Variants in LMLN observed in about 807,000 individuals in gnomAD.
LMLN encodes the protein leishmanolysin-like peptidase.
In LMLN, 70 loss-of-function variants were observed where a neutral mutation model predicts 92.3. The observed-to-expected ratio is 0.76, with a 90% CI of 0.63 to 0.92. The LOEUF is 0.92. LMLN is among the 40% of genes least tolerant of loss of function. The pLI is 0.00. For missense variants in LMLN, 691 were observed against 814.6 expected (o/e 0.85, Z 1.85); for synonymous variants, 308 against 296.2 (o/e 1.04, Z -0.41).
At chr3:197,985,326 A>G (rs1407915889) in intron 7 of LMLN, among the ~76,000 whole-genome samples, 1 of 151,498 alleles carries the variant, frequency 6.6e-6, no homozygotes, top group African/African-American at 2.4e-5. Context: ...GGATTCTTCT[A>G]TATATATAAG....
intron 9 of LMLN, among the ~76,000 whole-genome samples, chr3:197,993,855 A>G (rs571438593): frequency 3.3e-5 from 5 of 152,340 alleles, no homozygotes; most frequent in Non-Finnish European, 7.4e-5. Context: ...CAGTATTTCA[A>G]ACTGTACTGC....
chr3:198,022,021 T>G (rs1316570500), intron 13 of LMLN, among the ~76,000 whole-genome samples: 1 of 152,240 alleles, frequency 6.6e-6, no homozygotes, highest in Non-Finnish European at 1.5e-5. Context: ...ATTTCCCAGA[T>G]AGGCGGATAG....
exon 1 of LMLN, chr3:197,960,423 G>A (rs1278385468): frequency 6.2e-7 from 1 of 1,613,766 alleles, no homozygotes; most frequent in African/African-American, 1.3e-5. Context: ...CCGGCACCAC[G>A]TCCCCTCTGA....
At chr3:198,021,865 A>G (rs1340627498) in intron 13 of LMLN, among the ~76,000 whole-genome samples, 2 of 152,220 alleles carry the variant, frequency 1.3e-5, no homozygotes, top group African/African-American at 4.8e-5. Context: ...GACCCATCGA[A>G]GGGATTATTC....
chr3:198,038,884 A>G (rs555036507), exon 16 of LMLN: 2 of 383,694 alleles, frequency 5.2e-6, no homozygotes, highest in Non-Finnish European at 9.3e-6. Context: ...AACCACCTTC[A>G]TCAGCAACCC....
chr3:197,976,917 AG>A (rs755560636), intron 5 of LMLN, among the ~76,000 whole-genome samples: 11 of 152,318 alleles, frequency 7.2e-5, no homozygotes, highest in Non-Finnish European at 1.2e-4. Flanking sequence ...TCCTCCCCAC[AG>A]GCCTCCTTGC....
intron 2 of LMLN, among the ~76,000 whole-genome samples, chr3:197,974,820 C>T (rs1284322823): frequency 6.6e-6 from 1 of 152,188 alleles, no homozygotes; most frequent in Non-Finnish European, 1.5e-5. Context: ...GCCCAGATTC[C>T]AGGAGAGGGT....
At chr3:197,966,774 T>C (rs1721072292) in intron 1 of LMLN, among the ~76,000 whole-genome samples, 2 of 152,180 alleles carry the variant, frequency 1.3e-5, no homozygotes, top group African/African-American at 2.4e-5. Context: ...TCATATTTTG[T>C]TGATGATTTT....
intron 1 of LMLN, among the ~76,000 whole-genome samples, chr3:197,962,549 C>G (rs925221052): frequency 6.6e-6 from 1 of 152,142 alleles, no homozygotes; most frequent in African/African-American, 2.4e-5. Context: ...AAAATACTAA[C>G]CCTTTCTCCA....
chr3:198,012,909 C>A (rs1431261845), intron 11 of LMLN, among the ~76,000 whole-genome samples: 2 of 126,244 alleles, frequency 1.6e-5, no homozygotes, highest in Non-Finnish European at 3.2e-5. Flanking sequence ...CTTCTCTGTA[C>A]CCTTCAGAGT....
intron 8 of LMLN, among the ~76,000 whole-genome samples, chr3:197,989,572 C>T (rs1231136067): frequency 6.6e-6 from 1 of 152,118 alleles, no homozygotes; most frequent in Non-Finnish European, 1.5e-5. Flanking sequence ...TCATTTTATC[C>T]TGTACACTTG....
exon 6 of LMLN, chr3:197,980,459 T>A: frequency 1.9e-6 from 3 of 1,614,096 alleles, no homozygotes; most frequent in Non-Finnish European, 2.5e-6. Context: ...CATGAAAACA[T>A]CATCTCTTAT....
At chr3:198,039,620 G>A (rs1413633950) in exon 16 of LMLN, 1 of 150,186 alleles carries the variant, frequency 6.7e-6, no homozygotes, top group East Asian at 1.9e-4. Flanking sequence ...AAAATTAATG[G>A]CTGGTATATA....
At chr3:198,023,698 C>G (rs1292507682) in intron 13 of LMLN, among the ~76,000 whole-genome samples, 1 of 152,226 alleles carries the variant, frequency 6.6e-6, no homozygotes, top group African/African-American at 2.4e-5. Context: ...TGTAAAGAGT[C>G]TAAAGAGAGC....
At chr3:197,980,707 C>T in intron 6 of LMLN, 1 of 445,702 alleles carries the variant, frequency 2.2e-6, no homozygotes, top group Non-Finnish European at 4.0e-6. Flanking sequence ...AGTTTTTAGT[C>T]AAAGTGAAAG....
chr3:197,978,948 A>G (rs1392365236), intron 5 of LMLN, among the ~76,000 whole-genome samples: 1 of 152,160 alleles, frequency 6.6e-6, no homozygotes, highest in East Asian at 1.9e-4. Flanking sequence ...CAGGTCACAT[A>G]CCACTGCACT....
intron 1 of LMLN, among the ~76,000 whole-genome samples, chr3:197,969,277 A>AT (rs201203303): frequency 0.071 from 10,465 of 146,908 alleles, 515 homozygotes; most frequent in South Asian, 0.11. Flanking sequence ...ATATATATAT[A>AT]TTTTTTTTAG....
chr3:198,020,716 C>G (rs1289800831), intron 12 of LMLN, among the ~76,000 whole-genome samples: 3 of 145,674 alleles, frequency 2.1e-5, no homozygotes, highest in African/African-American at 7.7e-5. Context: ...GCCGCAGCTT[C>G]TCAAGTAGCT....
chr3:198,029,888 G>A (rs1313813802), intron 14 of LMLN, among the ~76,000 whole-genome samples: 1 of 151,960 alleles, frequency 6.6e-6, no homozygotes, highest in Non-Finnish European at 1.5e-5. Flanking sequence ...CTCCCAGGCT[G>A]GAGTGCAGGT....
Sources: allele counts gnomAD v4.1 joint callset (sites outside exome capture counted in the v4.1 genomes callset), GRCh38; gene constraint gnomAD v4.1.1; transcripts MANE v1.5; gene names NCBI Gene and HGNC (gene_info 2026-07-23, HGNC 2026-07-21).